The following XPO6 variants were observed in gnomAD, a reference collection of about 807,000 sequenced individuals.
XPO6 encodes exportin 6, also known as exportin-6.
In XPO6, 3 loss-of-function variants were observed where a neutral mutation model predicts 130.0. That is an observed-to-expected ratio of 0.02 (90% CI 0.01 to 0.06). The LOEUF is 0.06. XPO6 is among the 10% of genes least tolerant of loss of function. The pLI is 1.00. For missense variants in XPO6, 970 were observed against 1,393.0 expected (o/e 0.70, Z 4.83); for synonymous variants, 524 against 548.9 (o/e 0.95, Z 0.63).
chr16:28,133,476 C>T (rs72789657), intron 11 of XPO6, among the ~76,000 whole-genome samples: 40 of 152,302 alleles, frequency 2.6e-4, no homozygotes, highest in Non-Finnish European at 5.3e-4. Flanking sequence ...TATAGACACA[C>T]GCAGAGAAAG....
chr16:28,118,039 T>C (rs900512834), intron 14 of XPO6, among the ~76,000 whole-genome samples: 1 of 152,218 alleles, frequency 6.6e-6, no homozygotes, highest in African/African-American at 2.4e-5. Context: ...TCATCAAATA[T>C]AATAAACAAT....
At chr16:28,188,187 C>T (rs2043725491) in intron 1 of XPO6, among the ~76,000 whole-genome samples, 1 of 152,192 alleles carries the variant, frequency 6.6e-6, no homozygotes, top group African/African-American at 2.4e-5. Context: ...AGCAATCCTC[C>T]CACCTATGCC....
In XPO6 at chr16:28,177,978, A is replaced by G. The variant is rs115387222; in HGVS notation, c.95-646T>C. ...CCTGTCCACACATCACGTTGGTTAG[A>G]AACGGTTTTCCTCCTCCTGAGGCTG... On this transcript the variant is annotated intron_variant, in intron 2 of 23. Transcript: ENST00000304658. Among the ~76,000 whole-genome samples, 1,505 of 152,288 alleles carry G rather than the reference A, an allele frequency of 9.9e-3. 31 individuals carry two copies. Among genetic ancestry groups the G allele is most frequent in the African/African-American group, 0.034 (1,433 of 41,542 alleles).
chr16:28,101,092 T>C lies in XPO6; in HGVS notation c.3276+366A>G, dbSNP rs1567587251. 5.7e-6 allele frequency: 2 copies of C among 349,530 alleles called. No individual in the cohort carries two copies. The highest frequency in any genetic ancestry group is 1.5e-4 in the East Asian group (2 of 13,302). The allele number at this position is 349,530 out of a possible 1,614,324, so 21.7% of individuals were successfully genotyped here. On this transcript the variant is annotated intron_variant, in intron 23 of 23. Transcript: ENST00000304658. This position sits in a 1 kb window ranked among gnomAD's most constrained non-coding sequence, Gnocchi z 5.4. Reference sequence around the variant, plus strand: ...CAAGCACCAACCATCTCAGCCTGAATGCAAGCCTGGGCACACTCCAATGCT... The same window carrying C: ...CAAGCACCAACCATCTCAGCCTGAACGCAAGCCTGGGCACACTCCAATGCT...
intron 1 of XPO6, among the ~76,000 whole-genome samples, chr16:28,204,133 T>G (rs1246227598): frequency 6.6e-6 from 1 of 152,152 alleles, no homozygotes; most frequent in Non-Finnish European, 1.5e-5. Context: ...AATTGCCCAC[T>G]ATGCCAAGAA....
chr16:28,206,012 T>C (rs2141916284), intron 1 of XPO6, among the ~76,000 whole-genome samples: 1 of 125,968 alleles, frequency 7.9e-6, no homozygotes, highest in African/African-American at 3.0e-5. Context: ...CACTCCAGCC[T>C]AGGCGACAGA....
chr16:28,110,337 G>A (rs1219229391), intron 17 of XPO6, among the ~76,000 whole-genome samples: 2 of 152,210 alleles, frequency 1.3e-5, no homozygotes, highest in African/African-American at 2.4e-5. Flanking sequence ...CAAGGAAATA[G>A]AGGTGGAAGT....
rs1450951321 is a variant in XPO6 at position 28,101,771 on chromosome 16, A to T, written c.3045+76T>A. ...CCATCCACTTTCTGTCACACTCTCCAGTGAGTAACCTGAGGGTGGGACACA... is the reference window on the plus strand; with the variant it reads ...CCATCCACTTTCTGTCACACTCTCCTGTGAGTAACCTGAGGGTGGGACACA... On this transcript the variant is annotated intron_variant, in intron 22 of 23. Coordinates refer to ENST00000304658, the MANE Select transcript of XPO6 (RefSeq NM_015171.4). This position sits in a 1 kb window ranked among gnomAD's most constrained non-coding sequence, Gnocchi z 5.4. The T allele has an allele frequency of 6.3e-7, 1 of 1,587,828 alleles. No individual in the cohort carries two copies. Among genetic ancestry groups the T allele is most frequent in the Non-Finnish European group, 8.6e-7 (1 of 1,161,946 alleles).
chr16:28,211,221 C>G (rs944615611), intron 1 of XPO6, 145 bp downstream of exon 1: 1 of 811,688 alleles, frequency 1.2e-6, no homozygotes, highest in South Asian at 6.3e-5. Flanking sequence ...GGGCTGCACA[C>G]TCTGCACGCA....
At chr16:28,127,741 C>T (rs763587187) in intron 12 of XPO6, among the ~76,000 whole-genome samples, 3 of 152,126 alleles carry the variant, frequency 2.0e-5, no homozygotes, top group Non-Finnish European at 4.4e-5. Flanking sequence ...AAGGAAGACA[C>T]GAGGCTGGAA....
chr16:28,129,109 A>G (rs2042617899), intron 12 of XPO6, among the ~76,000 whole-genome samples: 2 of 152,212 alleles, frequency 1.3e-5, no homozygotes, highest in East Asian at 3.8e-4. Context: ...CTTCTGACCC[A>G]ACAAAACTGC....
In XPO6 at chr16:28,106,703, A is replaced by G. The variant is rs1165713210; in HGVS notation, c.2498-206T>C. Among the ~76,000 whole-genome samples the G allele has an allele frequency of 6.6e-6, 1 of 152,214 alleles. No individual in the cohort carries two copies. The highest frequency in any genetic ancestry group is 1.9e-4 in the East Asian group (1 of 5,202). On this transcript the variant is annotated intron_variant, in intron 18 of 23. Transcript: ENST00000304658. The surrounding 1 kb of genome is among the most constrained non-coding windows in gnomAD (Gnocchi z 4.2). ...TGAGAAAATAGTTCTGGTATAGGGA[A>G]CCTCCACCTGGTGGCTCACTACAGG...
chr16:28,130,368 T>C (rs550795189), intron 12 of XPO6, among the ~76,000 whole-genome samples: 1 of 152,332 alleles, frequency 6.6e-6, no homozygotes, highest in African/African-American at 2.4e-5. Context: ...GCCCAGAGCC[T>C]ATCAGGGATG....
At chr16:28,130,267 C>G (rs867207389) in intron 12 of XPO6, among the ~76,000 whole-genome samples, 1 of 152,214 alleles carries the variant, frequency 6.6e-6, no homozygotes, top group Non-Finnish European at 1.5e-5. Context: ...CAGGAGTAGA[C>G]AAGAATCGCG....
chr16:28,112,341 G>A (rs1373179923), intron 16 of XPO6, among the ~76,000 whole-genome samples: 3 of 152,320 alleles, frequency 2.0e-5, no homozygotes, highest in Middle Eastern at 3.4e-3. Flanking sequence ...TGAGTCCTCT[G>A]AGAAGCTACT....
chr16:28,099,174 C>T (rs557207064), intron 23 of XPO6, among the ~76,000 whole-genome samples: 1 of 152,198 alleles, frequency 6.6e-6, no homozygotes, highest in Non-Finnish European at 1.5e-5. Flanking sequence ...GAGAGCCACC[C>T]GAGCAGCAGC....
chr16:28,152,066 T>C (rs2043101346), intron 8 of XPO6, among the ~76,000 whole-genome samples: 1 of 137,746 alleles, frequency 7.3e-6, no homozygotes, highest in Non-Finnish European at 1.5e-5. Flanking sequence ...TAATTTTATA[T>C]ATTTTTTATG....
rs375908217 is a variant in XPO6, at chr16:28,106,255, C to T, written c.2613-41G>A. 6.2e-6 allele frequency: 10 copies of T among 1,608,846 alleles called. No individual in the cohort carries two copies. In the African/African-American group the frequency reaches 1.3e-4, roughly 22 times the overall value. On this transcript the variant is annotated intron_variant, in intron 19 of 23. Coordinates refer to ENST00000304658, the MANE Select transcript of XPO6 (RefSeq NM_015171.4). This position sits in a 1 kb window ranked among gnomAD's most constrained non-coding sequence, Gnocchi z 4.2. ...CCACACAGTGAGCAACCACATGTTT[C>T]TCTGGGGGCCAGCATGAAAACCCAT...
intron 9 of XPO6, among the ~76,000 whole-genome samples, chr16:28,135,734 C>T (rs569756609): frequency 2.9e-4 from 44 of 152,290 alleles, no homozygotes; most frequent in African/African-American, 7.9e-4. Flanking sequence ...GTAGACAACA[C>T]GTCATTGGGT....
Sources: gnomAD v4.1 joint callset for allele counts (sites outside exome capture counted in the v4.1 genomes callset) on GRCh38, gnomAD v4.1.1 for gene constraint, Gnocchi (gnomAD v3.1) non-coding constraint, MANE v1.5 for transcripts, NCBI Gene and HGNC (gene_info 2026-07-23, HGNC 2026-07-21) for gene names.